Variants in LENG8 observed in about 807,000 individuals in gnomAD.
LENG8 encodes the protein leukocyte receptor cluster member 8, also known as leukocyte receptor cluster (LRC) member 8.
LENG8 carries 28 observed loss-of-function variants against 102.1 expected under a neutral mutation model. The observed-to-expected ratio is 0.27, with a 90% CI of 0.20 to 0.38. The LOEUF is 0.38. Ranked by LOEUF, LENG8 falls within the 10% of genes least tolerant of loss-of-function variation. LENG8 has a pLI of 1.00. For synonymous variants in LENG8, 531 were observed against 456.7 expected, an observed-to-expected ratio of 1.16 and a Z score of -2.07; for missense variants, 1,022 against 1,113.9, an observed-to-expected ratio of 0.92 and a Z score of 1.17.
intron 1 of LENG8, among the ~76,000 whole-genome samples, chr19:54,451,030 T>G (rs2083938772): frequency 6.6e-6 from 1 of 152,164 alleles, no homozygotes; most frequent in Non-Finnish European, 1.5e-5. Flanking sequence ...CTCCTTCCCT[T>G]TGGGAAGTCT....
rs765699856 is a variant in LENG8 at position 54,461,806 on chromosome 19, TC to T, written c.*881del. ...CTCCTCTCCCTTTTCTTTTTGGCCC[TC>T]CCTCCCTCCCTCTTCTGCCATGTAA... is the stretch of plus-strand genomic sequence containing the variant. On this transcript the variant is annotated 3_prime_UTR_variant, in exon 16 of 16. Transcript: ENST00000326764. 4.3e-6 allele frequency: 2 copies of T among 467,564 alleles called. No homozygotes were observed. The highest frequency in any genetic ancestry group is 8.8e-6 in the Non-Finnish European group (2 of 227,242). The allele number at this position is 467,564 out of a possible 1,614,324, so 29.0% of individuals were successfully genotyped here.
chr19:54,460,209 G>A, intron 15 of LENG8: 3 of 1,289,580 alleles, frequency 2.3e-6, no homozygotes, highest in Non-Finnish European at 3.0e-6. Flanking sequence ...GAAAGGGTAG[G>A]GCTGCACCCT....
exon 16 of LENG8, chr19:54,462,015 A>AGC (rs1458573439): frequency 4.8e-6 from 7 of 1,462,128 alleles, no homozygotes; most frequent in Admixed American, 1.2e-4. Context: ...AGAAAGAGAG[A>AGC]GCGTGCACGC....
rs1192203902 is a variant in LENG8, at chr19:54,461,603, C to T, written c.*675C>T. The T allele has an allele frequency of 8.5e-6, 4 of 473,296 alleles. No individual in the cohort carries two copies. Among genetic ancestry groups the T allele is most frequent in the Admixed American group, 7.0e-5 (3 of 42,608 alleles). The allele number at this position is 473,296 out of a possible 1,614,324, so 29.3% of individuals were successfully genotyped here. A position where few individuals can be genotyped will look rare whatever the true frequency, so the allele number is the denominator to read the frequency against. On this transcript the variant is annotated 3_prime_UTR_variant, in exon 16 of 16. Coordinates refer to ENST00000326764, the MANE Select transcript of LENG8 (RefSeq NM_052925.4). ...GTCTCCGTGTCCCCTCCTCCCTCTG[C>T]CCCCAGTGTTTCTTCTGATTTTTTT...
intron 5 of LENG8, among the ~76,000 whole-genome samples, chr19:54,454,041 C>T (rs1003265542): frequency 4.6e-5 from 7 of 152,052 alleles, no homozygotes; most frequent in African/African-American, 1.2e-4. Flanking sequence ...GGTCAGCTCT[C>T]GAAAGCGGGA....
chr19:54,457,910 CTTG>C, intron 12 of LENG8, 21 bp from the exon 13 acceptor site: 2 of 1,614,036 alleles, frequency 1.2e-6, no homozygotes, highest in Non-Finnish European at 1.7e-6. Context: ...CCTTGTGACT[CTTG>C]TTCTCGCCCC....
At position 54,456,907 on chromosome 19, in the gene LENG8, G is replaced by T. The variant is rs1248701219; in HGVS notation, c.1717G>T (p.Val573Leu). 2.5e-6 allele frequency: 4 copies of T among 1,606,476 alleles called. No homozygotes were observed. Among genetic ancestry groups the T allele is most frequent in the Non-Finnish European group, 3.4e-6 (4 of 1,179,214 alleles). ...RLTCAPDPST[V>L]RPVAVLKKSL... ...CACCTGTGCCCCCGACCCGTCCACC[G>T]TGCGCCCTGTGGCAGTAAGTGCCCA... The change falls in exon 11 of 16, where the codon GTG (valine) becomes TTG (leucine). Residue 573 changes from valine (V) to leucine (L), a missense_variant. By Grantham distance (32) the Val-to-Leu change is conservative. Transcript: ENST00000326764.
intron 15 of LENG8, 103 bp downstream of exon 15, chr19:54,458,624 C>G: frequency 6.4e-7 from 1 of 1,569,194 alleles, no homozygotes; most frequent in Non-Finnish European, 8.6e-7. Flanking sequence ...CAGCCCCCAA[C>G]CCTTGTCCTG....
Position 54,456,368 on chromosome 19 carries a change from T to TGTCA in LENG8, c.1349_1352dup (p.His451GlnfsTer12). The TGTCA allele has an allele frequency of 6.2e-7, 1 of 1,612,994 alleles. No individual in the cohort carries two copies. Among genetic ancestry groups the TGTCA allele is most frequent in the Non-Finnish European group, 8.5e-7 (1 of 1,179,894 alleles). On this transcript the variant is annotated frameshift_variant, in exon 10 of 16. Coordinates refer to ENST00000326764, the MANE Select transcript of LENG8 (RefSeq NM_052925.4). LOFTEE classifies it high-confidence loss of function. Reference sequence around the variant, plus strand: ...CGACAGCTCCTACTCAGGGAATGAGTGTCACCCTGTGGGCCGCAGGAACCC... The same window carrying TGTCA: ...CGACAGCTCCTACTCAGGGAATGAGTGTCAGTCACCCTGTGGGCCGCAGGAACCC...
At chr19:54,453,407 G>A (rs2084052148) in intron 4 of LENG8, 139 bp from the exon 5 acceptor site, 1 of 633,520 alleles carries the variant, frequency 1.6e-6, no homozygotes, top group Non-Finnish European at 2.9e-6. Flanking sequence ...TATATGAGAG[G>A]ATGTGGTGCA....
At position 54,460,326 on chromosome 19, in the gene LENG8, G is replaced by T. The variant is rs576662339; in HGVS notation, c.2241-440G>T. On this transcript the variant is annotated intron_variant, in intron 15 of 15. Transcript: ENST00000326764. ...GTGACTGCTTTCAGTGTGTAGTGGTGAGTGCTAGCTGGCACCCCTGCGCCT... is the reference window on the plus strand; with the variant it reads ...GTGACTGCTTTCAGTGTGTAGTGGTTAGTGCTAGCTGGCACCCCTGCGCCT... The T allele has an allele frequency of 9.8e-6, 12 of 1,229,852 alleles. No individual in the cohort carries two copies. In the Admixed American group the frequency reaches 2.7e-4, roughly 27 times the overall value. The allele number at this position is 1,229,852 out of a possible 1,614,324, so 76.2% of individuals were successfully genotyped here.
intron 10 of LENG8, 41 bp from the exon 11 acceptor site, chr19:54,456,595 G>A: frequency 6.4e-7 from 1 of 1,571,214 alleles, no homozygotes; most frequent in Non-Finnish European, 8.6e-7. Context: ...AAGGGGGGCT[G>A]GAGACGCCTG....
At chr19:54,460,708 GGCCCTCCCCT>G (rs2084492982) in intron 15 of LENG8, 48 bp from the exon 16 acceptor site, 8 of 1,440,150 alleles carry the variant, frequency 5.6e-6, no homozygotes, top group African/African-American at 1.4e-5. Flanking sequence ...CCGCTCGTGG[GGCCCTCCCCT>G]GCCCTCCCGC....
chr19:54,460,040 C>A, intron 15 of LENG8: 1 of 1,284,664 alleles, frequency 7.8e-7, no homozygotes, highest in Non-Finnish European at 1.0e-6. Context: ...ATTGTGTCAG[C>A]ACCTTCCCCC....
In LENG8 at chr19:54,456,020, C is replaced by G; in HGVS notation, c.1079C>G (p.Ala360Gly). 6.2e-7 allele frequency: 1 copy of G among 1,613,188 alleles called. No homozygotes were observed. Among genetic ancestry groups the G allele is most frequent in the South Asian group, 1.1e-5 (1 of 91,050 alleles). Reference protein sequence around the residue: ...ESPKKKRWEAASSLHPPRGAG... With the variant: ...ESPKKKRWEAGSSLHPPRGAG... Reference sequence around the variant, plus strand: ...CCTAAGAAGAAGCGGTGGGAGGCCGCTAGCAGCCTTCACCCTCCTAGAGGG... The same window carrying G: ...CCTAAGAAGAAGCGGTGGGAGGCCGGTAGCAGCCTTCACCCTCCTAGAGGG... The change falls in exon 9 of 16, where the codon GCT becomes GGT. Residue 360 changes from alanine to glycine, a missense_variant. Transcript: ENST00000326764.
rs563044815 is a variant in LENG8, at chr19:54,459,637, C to T, written c.2240+1116C>T. On this transcript the variant is annotated intron_variant, in intron 15 of 15. Coordinates refer to ENST00000326764, the MANE Select transcript of LENG8 (RefSeq NM_052925.4). Reference sequence around the variant, plus strand: ...AGGCCTTGAGAGCCTGGCCAGGTGGCCCTCCGTGTGAGGTCATGGTCACAG... The same window carrying T: ...AGGCCTTGAGAGCCTGGCCAGGTGGTCCTCCGTGTGAGGTCATGGTCACAG... 6 of 995,940 alleles carry T rather than the reference C, an allele frequency of 6.0e-6. No homozygotes were observed. The South Asian group carries it at 1.3e-4, about 22-fold the overall frequency. The allele number at this position is 995,940 out of a possible 1,614,324, so 61.7% of individuals were successfully genotyped here.
rs777861284 is a variant in LENG8, at chr19:54,455,582, G to A, written c.1025+15G>A. The A allele has an allele frequency of 5.6e-6, 9 of 1,599,164 alleles. No homozygotes were observed. Among genetic ancestry groups the A allele is most frequent in the Non-Finnish European group, 7.7e-6 (9 of 1,175,966 alleles). On this transcript the variant is annotated intron_variant, in intron 8 of 15. Transcript: ENST00000326764. ...CCCTTGCCGGGGTTAGTCTGGGTGGGGGACATAGGTGGGAGGGTGGTGCTG... is the reference window on the plus strand; with the variant it reads ...CCCTTGCCGGGGTTAGTCTGGGTGGAGGACATAGGTGGGAGGGTGGTGCTG...
At position 54,456,861 on chromosome 19, in the gene LENG8, C is replaced by T; in HGVS notation, c.1671C>T (p.Ile557=). The change falls in exon 11 of 16, where the codon ATC becomes ATT. Residue 557 remains isoleucine, a synonymous_variant. Transcript: ENST00000326764. ...AGATCGTGGGCACCTGCCCTGACATCACCAAGCACTACCTGCGCCTCACCT... is the reference window on the plus strand; with the variant it reads ...AGATCGTGGGCACCTGCCCTGACATTACCAAGCACTACCTGCGCCTCACCT... ...ELQIVGTCPD[I]TKHYLRLTCA... 1.2e-6 allele frequency: 2 copies of T among 1,611,048 alleles called. No homozygotes were observed. The highest frequency in any genetic ancestry group is 1.3e-5 in the African/African-American group (1 of 75,036).
chr19:54,461,234 C>T lies in LENG8; in HGVS notation c.*306C>T. On this transcript the variant is annotated 3_prime_UTR_variant, in exon 16 of 16. Coordinates refer to ENST00000326764, the MANE Select transcript of LENG8 (RefSeq NM_052925.4). ...CACTAATGCTGTCTCAGTGTTTTCTCTCTCTCTCTTTCGAGCTTGCACTCC... is the reference window on the plus strand; with the variant it reads ...CACTAATGCTGTCTCAGTGTTTTCTTTCTCTCTCTTTCGAGCTTGCACTCC... 1.7e-6 allele frequency: 1 copy of T among 603,748 alleles called. No individual in the cohort carries two copies. Among genetic ancestry groups the T allele is most frequent in the Admixed American group, 2.2e-5 (1 of 46,080 alleles). The allele number at this position is 603,748 out of a possible 1,614,324, so 37.4% of individuals were successfully genotyped here. A position where few individuals can be genotyped will look rare whatever the true frequency, so the allele number is the denominator to read the frequency against.
Sources: allele counts gnomAD v4.1 joint callset (sites outside exome capture counted in the v4.1 genomes callset), GRCh38; gene constraint gnomAD v4.1.1; transcripts MANE v1.5; gene names NCBI Gene and HGNC (gene_info 2026-07-23, HGNC 2026-07-21).